RBM6: variants seen among roughly 807,000 people sequenced by gnomAD.
RBM6 encodes the protein RNA binding motif protein 6.
A neutral mutation model predicts 140.4 loss-of-function variants in RBM6; 23 were observed. The ratio of observed to expected loss-of-function variants is 0.16; its 90% CI spans 0.12 to 0.23. The LOEUF is 0.23. RBM6 is among the 10% of genes least tolerant of loss of function. RBM6 has a pLI of 1.00. For synonymous variants in RBM6, 439 were observed against 475.6 expected (o/e 0.92, Z 1.00); for missense variants, 1,139 against 1,386.7 (o/e 0.82, Z 2.84).
intron 6 of RBM6, among the ~76,000 whole-genome samples, chr3:50,038,207 T>C (rs1457351408): frequency 6.6e-6 from 1 of 152,138 alleles, no homozygotes; most frequent in Non-Finnish European, 1.5e-5. Context: ...GGCTTTGTGA[T>C]GGGCTCAGCA....
chr3:49,975,330 A>G lies in RBM6; in HGVS notation c.1421A>G (p.Asn474Ser), dbSNP rs768033308. The part of the protein sequence containing the change: ...PEDATKEEIL[N>S]AFRTPDGMPV... ...AATGCCATATTTTTGCAGATTCTTA[A>G]TGCTTTTCGGACTCCTGATGGCATG... Residue 474 changes from asparagine to serine, a missense_variant, in exon 5 of 21, where the codon AAT becomes AGT. Physicochemically the swap from Asn to Ser is conservative, Grantham distance 46 (BLOSUM62 1). This residue lies in a region of RBM6 where 566 missense variants were observed against 612.7 expected (regional missense o/e 0.92). Transcript: ENST00000266022. 6.2e-6 allele frequency: 10 copies of G among 1,612,508 alleles called. No individual in the cohort carries two copies. The highest frequency in any genetic ancestry group is 1.3e-5 in the African/African-American group (1 of 75,012).
chr3:50,060,904 G>T, intron 11 of RBM6, 52 bp from the exon 12 acceptor site: 1 of 1,514,232 alleles, frequency 6.6e-7, no homozygotes, highest in Non-Finnish European at 8.8e-7. Context: ...TTAAGTACTC[G>T]TCAAATGCCA....
intron 5 of RBM6, among the ~76,000 whole-genome samples, chr3:49,989,173 G>A (rs996399343): frequency 2.6e-5 from 4 of 152,090 alleles, no homozygotes; most frequent in African/African-American, 9.7e-5. Flanking sequence ...ACAACTTCCT[G>A]CCTTTGTTTG....
intron 6 of RBM6, among the ~76,000 whole-genome samples, chr3:50,010,900 CAAAAAAAAAA>C (rs776065398): frequency 1.9e-5 from 1 of 52,236 alleles, no homozygotes; most frequent in Non-Finnish European, 3.1e-5. Context: ...AAGACTGTCT[CAAAAAAAAAA>C]AAAAAAAAAA....
At chr3:50,065,759 A>G in intron 16 of RBM6, 1 of 415,118 alleles carries the variant, frequency 2.4e-6, no homozygotes, top group South Asian at 1.8e-5. Context: ...AATTCAGCTC[A>G]TTGTGGCATC....
At chr3:50,005,094 G>C (rs1175877677) in intron 6 of RBM6, among the ~76,000 whole-genome samples, 5 of 152,156 alleles carry the variant, frequency 3.3e-5, no homozygotes, top group African/African-American at 4.8e-5. Context: ...TTTTGTGTGT[G>C]TGTCAACAAA....
intron 2 of RBM6, among the ~76,000 whole-genome samples, chr3:49,965,113 T>C (rs1383131882): frequency 2.0e-5 from 3 of 152,232 alleles, no homozygotes; most frequent in East Asian, 3.8e-4. Context: ...GATTCGTCTG[T>C]ATAAAATACA....
At position 49,972,154 on chromosome 3, in the gene RBM6, G is replaced by A. The variant is rs758955507; in HGVS notation, c.1413+6G>A. 5 of 1,587,930 alleles carry A rather than the reference G, an allele frequency of 3.1e-6. 1 individual carries two copies. The Admixed American group carries it at 8.5e-5, about 27-fold the overall frequency. On this transcript the variant is annotated splice_donor_region_variant and intron_variant, in intron 4 of 20. Transcript: ENST00000266022. ...AAGATGCCACAAAAGAAGAGGTAAG[G>A]CATGTCTTCTCTCCTGTTTCTCTGT... is the stretch of plus-strand genomic sequence containing the variant.
intron 6 of RBM6, among the ~76,000 whole-genome samples, chr3:50,004,565 G>A (rs1317048386): frequency 2.0e-5 from 3 of 147,756 alleles, no homozygotes; most frequent in South Asian, 2.1e-4. Flanking sequence ...TACCTATCTC[G>A]GCCTCCCAAA....
chr3:49,958,592 A>G (rs2084121857), intron 1 of RBM6, among the ~76,000 whole-genome samples: 1 of 150,100 alleles, frequency 6.7e-6, no homozygotes, highest in Admixed American at 6.7e-5. Context: ...AAAACAAAAA[A>G]CCACAAAAAT....
chr3:50,034,309 T>G (rs767573368), intron 6 of RBM6, among the ~76,000 whole-genome samples: 9 of 152,076 alleles, frequency 5.9e-5, no homozygotes, highest in Non-Finnish European at 1.2e-4. Context: ...GGTGTTTCAT[T>G]TTCTTTTCTC....
chr3:50,035,453 T>G (rs1231628250), intron 6 of RBM6, among the ~76,000 whole-genome samples: 1 of 151,954 alleles, frequency 6.6e-6, no homozygotes, highest in African/African-American at 2.4e-5. Flanking sequence ...GAGGCCGAGG[T>G]GGGCGGATCA....
At chr3:50,015,046 C>CA (rs71080566) in intron 6 of RBM6, among the ~76,000 whole-genome samples, 299 of 52,792 alleles carry the variant, frequency 5.7e-3, no homozygotes, top group Non-Finnish European at 7.5e-3. Flanking sequence ...GAGACTGTCT[C>CA]AAAAAAAAAA....
chr3:49,974,649 G>A (rs2084976877), intron 4 of RBM6, among the ~76,000 whole-genome samples: 2 of 145,776 alleles, frequency 1.4e-5, no homozygotes, highest in African/African-American at 5.1e-5. Context: ...TGGGATTACA[G>A]GCGTGAGCCA....
chr3:50,062,231 G>C lies in RBM6; in HGVS notation c.2586+123G>C, dbSNP rs576336463. Reference sequence around the variant, plus strand: ...TTTAAAAATACTCTGTCAGCCGGGCGTGGTGGCTAACGCCTGTAATCCCAG... The same window carrying C: ...TTTAAAAATACTCTGTCAGCCGGGCCTGGTGGCTAACGCCTGTAATCCCAG... On this transcript the variant is annotated intron_variant, in intron 15 of 20. Transcript: ENST00000266022. 4.1e-6 allele frequency: 5 copies of C among 1,209,926 alleles called. No individual in the cohort carries two copies. The South Asian group carries it at 8.1e-5, about 20-fold the overall frequency. The allele number at this position is 1,209,926 out of a possible 1,614,324, so 74.9% of individuals were successfully genotyped here.
At chr3:49,985,132 C>G (rs551388113) in intron 5 of RBM6, among the ~76,000 whole-genome samples, 1 of 152,290 alleles carries the variant, frequency 6.6e-6, no homozygotes, top group African/African-American at 2.4e-5. Flanking sequence ...ATGGGGCTTC[C>G]TATGCCTTTT....
chr3:50,019,155 C>T (rs888250692), intron 6 of RBM6, among the ~76,000 whole-genome samples: 4 of 152,130 alleles, frequency 2.6e-5, no homozygotes, highest in African/African-American at 7.2e-5. Flanking sequence ...CCTGCCTCAG[C>T]GTTCTGCATA....
chr3:49,956,286 G>A (rs549353792), intron 1 of RBM6, among the ~76,000 whole-genome samples: 1 of 144,434 alleles, frequency 6.9e-6, no homozygotes, highest in East Asian at 2.1e-4. Flanking sequence ...CTTCCAAAGT[G>A]TTGGGATTAC....
chr3:50,021,740 C>CTTTTTTTTTTTTTTT lies in RBM6; in HGVS notation c.1557+22243_1557+22257dup, dbSNP rs542734328. 1.6e-3 allele frequency among the ~76,000 whole-genome samples: 67 copies of CTTTTTTTTTTTTTTT among 42,754 alleles called. 18 individuals are homozygous for CTTTTTTTTTTTTTTT. The highest frequency in any genetic ancestry group is 1.8e-3 in the Non-Finnish European group (45 of 24,472). The allele number at this position is 42,754 out of a possible 152,430, so 28.0% of individuals were successfully genotyped here. ...ATCTCCATACTGAGGAATTTAAGTG[C>CTTTTTTTTTTTTTTT]TTTTTTTTTTTTTTTTTTTTTTTTT... On this transcript the variant is annotated intron_variant, in intron 6 of 20. Transcript: ENST00000266022.
Sources: gnomAD v4.1 joint callset for allele counts (sites outside exome capture counted in the v4.1 genomes callset) on GRCh38, gnomAD v4.1.1 for gene constraint, gnomAD v4.1.1 regional missense constraint, MANE v1.5 for transcripts, NCBI Gene and HGNC (gene_info 2026-07-23, HGNC 2026-07-21) for gene names.